Variants in STON2 observed in about 807,000 individuals in gnomAD.
STON2 encodes the protein stonin-2.
Under a neutral mutation model 65.7 loss-of-function variants are expected in STON2, and 29 were observed. The ratio of observed to expected loss-of-function variants is 0.44; its 90% CI spans 0.33 to 0.60. STON2 has a LOEUF of 0.60. STON2 is among the 20% of genes least tolerant of loss of function. The probability of loss-of-function intolerance (pLI) is 0.03; values close to 1 mark genes in which losing one functional copy is unlikely to be tolerated. For synonymous variants in STON2, 404 were observed against 414.2 expected, an observed-to-expected ratio of 0.98 and a Z score of 0.30; for missense variants, 1,054 against 1,118.1, an observed-to-expected ratio of 0.94 and a Z score of 0.82.
chr14:81,341,323 T>C (rs915154656), intron 4 of STON2, among the ~76,000 whole-genome samples: 1 of 152,090 alleles, frequency 6.6e-6, no homozygotes, highest in Non-Finnish European at 1.5e-5. Context: ...TGCTTGTTGA[T>C]ACAAGAAGGG....
Position 81,395,872 on chromosome 14 carries a change from C to T in STON2, c.373+22G>A, listed in dbSNP as rs368679695. 72 of 1,612,688 alleles carry T rather than the reference C, an allele frequency of 4.5e-5. No homozygotes were observed. The African/African-American group carries it at 6.4e-4, about 14-fold the overall frequency. The stretch of plus-strand genomic sequence containing the variant: ...ATCCCTGCTGACCACAAACCCAAGC[C>T]GGGCCCTTCCTACCTCCTCACCTGT... On this transcript the variant is annotated intron_variant, in intron 3 of 7. Transcript: ENST00000614646.
At chr14:81,349,421 G>A (rs997703155) in intron 4 of STON2, among the ~76,000 whole-genome samples, 2 of 152,006 alleles carry the variant, frequency 1.3e-5, no homozygotes, top group African/African-American at 4.8e-5. Flanking sequence ...TAAAAAGTGG[G>A]CAAAGGATCA....
At chr14:81,374,937 T>C (rs908117365) in intron 3 of STON2, among the ~76,000 whole-genome samples, 5 of 151,972 alleles carry the variant, frequency 3.3e-5, no homozygotes, top group African/African-American at 4.8e-5. Context: ...ACACCAAAAA[T>C]ACATAAGACC....
chr14:81,308,824 A>ATATATATGTG (rs1479394128), intron 5 of STON2, among the ~76,000 whole-genome samples: 1 of 10,466 alleles, frequency 9.6e-5, no homozygotes, highest in African/African-American at 3.8e-4. Flanking sequence ...ATATATATAT[A>ATATATATGTG]TGTGTGTGTG....
At chr14:81,383,214 A>G (rs1286195842) in intron 3 of STON2, among the ~76,000 whole-genome samples, 1 of 152,230 alleles carries the variant, frequency 6.6e-6, no homozygotes, top group Non-Finnish European at 1.5e-5. Context: ...CCTGGTTTGC[A>G]TACCAAATCC....
chr14:81,278,389 G>A lies in STON2; in HGVS notation c.1093C>T (p.Pro365Ser). Residue 365 changes from proline to serine, a missense_variant, in exon 6 of 8, where the codon CCT becomes TCT. Pro to Ser is a moderately conservative substitution (Grantham distance 74). Transcript: ENST00000614646. ...AGGAAAGGGTTGGTTGCCCTCCAAG[G>A]TGAAGCCTCAGTTACAGAAGGCGTG... The part of the protein sequence containing the change: ...NRTPSVTEAS[P>S]WRATNPFLNE... 1.9e-6 allele frequency: 3 copies of A among 1,614,228 alleles called. No individual in the cohort carries two copies. Among genetic ancestry groups the A allele is most frequent in the Non-Finnish European group, 2.5e-6 (3 of 1,180,046 alleles).
In STON2 at chr14:81,398,428, C is replaced by G; in HGVS notation, c.-46G>C. The G allele has an allele frequency of 6.7e-7, 1 of 1,486,084 alleles. No homozygotes were observed. Among genetic ancestry groups the G allele is most frequent in the South Asian group, 1.1e-5 (1 of 88,044 alleles). The allele number at this position is 1,486,084 out of a possible 1,614,324, so 92.1% of individuals were successfully genotyped here. A position where few individuals can be genotyped will look rare whatever the true frequency, so the allele number is the denominator to read the frequency against. On this transcript the variant is annotated 5_prime_UTR_variant, in exon 2 of 8. Coordinates refer to ENST00000614646, the MANE Select transcript of STON2 (RefSeq NM_001394390.1). The stretch of plus-strand genomic sequence containing the variant: ...CTTCACACTGCTGACCTCAGGTGAA[C>G]CCCAGAATACTGTCTGGGGTGGGCT...
intron 4 of STON2, among the ~76,000 whole-genome samples, chr14:81,351,069 A>G (rs1032677965): frequency 2.0e-5 from 3 of 152,132 alleles, no homozygotes; most frequent in African/African-American, 7.2e-5. Context: ...CATTTAAAAT[A>G]TTCAGTAAAA....
In STON2 at chr14:81,265,103, T is replaced by C; in HGVS notation, c.*3311A>G. 1.0e-6 allele frequency: 1 copy of C among 984,898 alleles called. No individual in the cohort carries two copies. The highest frequency in any genetic ancestry group is 1.2e-6 in the Non-Finnish European group (1 of 829,764). The allele number at this position is 984,898 out of a possible 1,614,324, so 61.0% of individuals were successfully genotyped here. A position where few individuals can be genotyped will look rare whatever the true frequency, so the allele number is the denominator to read the frequency against. On this transcript the variant is annotated 3_prime_UTR_variant, in exon 8 of 8. Coordinates refer to ENST00000614646, the MANE Select transcript of STON2 (RefSeq NM_001394390.1). ...AAAAAAAAAAAATAAAAAGTCCAGG[T>C]CCAGGGTTGCAAAAGTAGAATCTGC...
rs369968211 is a variant in STON2, at chr14:81,364,130, G to C, written c.571+6858C>G. 3.9e-4 allele frequency among the ~76,000 whole-genome samples: 60 copies of C among 152,262 alleles called. No individual in the cohort carries two copies. In the Middle Eastern group the frequency reaches 0.01, roughly 26 times the overall value. ...AATGCTGGACTCTAAAATCCAAATAGAATACAAACACTTGTTTCTGAGAAA... is the reference window on the plus strand; with the variant it reads ...AATGCTGGACTCTAAAATCCAAATACAATACAAACACTTGTTTCTGAGAAA... On this transcript the variant is annotated intron_variant, in intron 4 of 7. Transcript: ENST00000614646.
intron 2 of STON2, among the ~76,000 whole-genome samples, chr14:81,407,664 C>T (rs887738382): frequency 1.3e-5 from 2 of 152,122 alleles, no homozygotes; most frequent in Non-Finnish European, 1.5e-5. Flanking sequence ...CATTCCAAAC[C>T]CACAAGTAAG....
chr14:81,310,150 G>A (rs531115672), intron 5 of STON2, among the ~76,000 whole-genome samples: 23 of 152,096 alleles, frequency 1.5e-4, no homozygotes, highest in African/African-American at 4.3e-4. Flanking sequence ...GAAAGACAAC[G>A]GTGTAAGTCA....
At chr14:81,378,611 A>C (rs1390722474) in intron 3 of STON2, among the ~76,000 whole-genome samples, 2 of 152,158 alleles carry the variant, frequency 1.3e-5, no homozygotes, top group African/African-American at 4.8e-5. Flanking sequence ...GCAAAGTAAA[A>C]GTTTTTGAAA....
intron 5 of STON2, 161 bp from the exon 6 acceptor site, chr14:81,278,900 C>A: frequency 1.9e-6 from 1 of 530,476 alleles, no homozygotes. Context: ...GCATAGATCT[C>A]ACAATTCTGT....
rs1490536279 is a variant in STON2, at chr14:81,268,271, A to G, written c.*143T>C. ...AAAATACAAGTAACTGCAAACAGGA[A>G]GATCTGGTATACTGTTCCCAACATG... On this transcript the variant is annotated 3_prime_UTR_variant, in exon 8 of 8. Transcript: ENST00000614646. 2 of 1,155,370 alleles carry G rather than the reference A, an allele frequency of 1.7e-6. No individual in the cohort carries two copies. Among genetic ancestry groups the G allele is most frequent in the Admixed American group, 8.3e-5 (2 of 24,004 alleles). 71.6% of individuals were successfully genotyped at this position (1,155,370 alleles called of 1,614,324 possible). A position where few individuals can be genotyped will look rare whatever the true frequency, so the allele number is the denominator to read the frequency against.
intron 4 of STON2, among the ~76,000 whole-genome samples, chr14:81,358,197 A>T (rs535854288): frequency 6.6e-6 from 1 of 152,222 alleles, no homozygotes; most frequent in South Asian, 2.1e-4. Context: ...ATTAATAACA[A>T]CTATAGCTAA....
At chr14:81,298,585 T>C (rs1197120422) in intron 5 of STON2, among the ~76,000 whole-genome samples, 2 of 152,248 alleles carry the variant, frequency 1.3e-5, no homozygotes, top group East Asian at 1.9e-4. Flanking sequence ...TGGTGTTTAT[T>C]TTCCTGCTCT....
At chr14:81,332,812 G>C (rs968323636) in intron 4 of STON2, 1 of 159,956 alleles carries the variant, frequency 6.3e-6, no homozygotes, top group Non-Finnish European at 1.4e-5. Context: ...TATTATATCA[G>C]TCATTATTTT....
intron 5 of STON2, among the ~76,000 whole-genome samples, chr14:81,293,038 G>A (rs1370085228): frequency 2.6e-5 from 4 of 152,188 alleles, no homozygotes; most frequent in African/African-American, 4.8e-5. Flanking sequence ...CATCCATGAT[G>A]CATGTAATTC....
Sources: gnomAD v4.1 joint callset for allele counts (sites outside exome capture counted in the v4.1 genomes callset) on GRCh38, gnomAD v4.1.1 for gene constraint, MANE v1.5 for transcripts, NCBI Gene and HGNC (gene_info 2026-07-23, HGNC 2026-07-21) for gene names.